The following CDH20 variants were observed in gnomAD, a reference collection of about 807,000 sequenced individuals.
CDH20 encodes cadherin-20.
CDH20 carries 29 observed loss-of-function variants against 74.2 expected under a neutral mutation model. That is an observed-to-expected ratio of 0.39 (90% CI 0.29 to 0.53). CDH20 has a LOEUF of 0.53. CDH20 is among the 20% of genes least tolerant of loss of function. The probability of loss-of-function intolerance (pLI) is 0.69; values close to 1 mark genes in which losing one functional copy is unlikely to be tolerated. For missense variants in CDH20, 988 were observed against 1,048.3 expected, an observed-to-expected ratio of 0.94 and a Z score of 0.79; for synonymous variants, 469 against 405.4, an observed-to-expected ratio of 1.16 and a Z score of -1.88.
chr18:61,507,237 A>G, intron 5 of CDH20, 136 bp from the exon 6 acceptor site: 1 of 754,324 alleles, frequency 1.3e-6, no homozygotes, highest in Non-Finnish European at 2.2e-6. Context: ...CTTAGTTTTT[A>G]TCTGTAAAAA....
chr18:61,499,087 T>G, intron 2 of CDH20, 99 bp from the exon 3 acceptor site: 1 of 900,764 alleles, frequency 1.1e-6, no homozygotes, highest in South Asian at 2.1e-5. Context: ...AATCTCCTTA[T>G]GTAAAGGGAG....
chr18:61,491,627 C>T (rs548467975), intron 2 of CDH20, among the ~76,000 whole-genome samples: 10 of 152,192 alleles, frequency 6.6e-5, no homozygotes, highest in Non-Finnish European at 1.2e-4. Flanking sequence ...TCCTCAAATT[C>T]GAATGAGATT....
chr18:61,412,847 T>A (rs1912557817), intron 1 of CDH20, among the ~76,000 whole-genome samples: 1 of 152,166 alleles, frequency 6.6e-6, no homozygotes, highest in African/African-American at 2.4e-5. Flanking sequence ...ATTTGCAACA[T>A]ACATACTCCA....
chr18:61,419,740 C>T (rs1327010541), intron 1 of CDH20, among the ~76,000 whole-genome samples: 1 of 152,012 alleles, frequency 6.6e-6, no homozygotes, highest in African/African-American at 2.4e-5. Flanking sequence ...AACTTGCCTC[C>T]CAGAGATACT....
chr18:61,429,495 A>T (rs1913181430), intron 1 of CDH20, among the ~76,000 whole-genome samples: 1 of 152,218 alleles, frequency 6.6e-6, no homozygotes, highest in African/African-American at 2.4e-5. Flanking sequence ...TCAAGTACAG[A>T]GCAAGCCAAC....
At chr18:61,406,033 T>G (rs967472193) in intron 1 of CDH20, among the ~76,000 whole-genome samples, 8 of 152,282 alleles carry the variant, frequency 5.3e-5, no homozygotes, top group African/African-American at 1.2e-4. Flanking sequence ...GACTAATTGA[T>G]GTTCACACTG....
At chr18:61,436,328 G>A (rs987692786) in intron 1 of CDH20, among the ~76,000 whole-genome samples, 2 of 151,740 alleles carry the variant, frequency 1.3e-5, no homozygotes, top group African/African-American at 4.9e-5. Context: ...AACCTTCTGA[G>A]AAACCACCAT....
chr18:61,543,562 T>C (rs543888816), intron 9 of CDH20, among the ~76,000 whole-genome samples: 1 of 152,316 alleles, frequency 6.6e-6, no homozygotes, highest in South Asian at 2.1e-4. Flanking sequence ...TTGAAAAACA[T>C]TATGGAAAAG....
At chr18:61,424,500 T>C (rs1197939427) in intron 1 of CDH20, among the ~76,000 whole-genome samples, 1 of 152,262 alleles carries the variant, frequency 6.6e-6, no homozygotes, top group African/African-American at 2.4e-5. Context: ...TTAGATACTA[T>C]ACCCTTCTCA....
intron 1 of CDH20, among the ~76,000 whole-genome samples, chr18:61,433,058 C>G (rs151185767): frequency 1.2e-4 from 19 of 152,260 alleles, no homozygotes; most frequent in African/African-American, 4.3e-4. Flanking sequence ...GACTTAAGAT[C>G]TTCTCAACTT....
At chr18:61,505,093 A>C (rs1019441307) in intron 5 of CDH20, among the ~76,000 whole-genome samples, 1 of 152,156 alleles carries the variant, frequency 6.6e-6, no homozygotes, top group African/African-American at 2.4e-5. Context: ...ATAGACTATA[A>C]ATTCTTGAAC....
chr18:61,458,259 C>T (rs906841241), intron 1 of CDH20, among the ~76,000 whole-genome samples: 4 of 152,148 alleles, frequency 2.6e-5, no homozygotes, highest in African/African-American at 9.7e-5. Flanking sequence ...AGAATAGGGT[C>T]TTCCTTACTG....
At chr18:61,387,385 A>G (rs1434412238) in intron 1 of CDH20, among the ~76,000 whole-genome samples, 1 of 152,190 alleles carries the variant, frequency 6.6e-6, no homozygotes, top group African/African-American at 2.4e-5. Context: ...CTTCAGTGCA[A>G]TGATGAATCT....
intron 6 of CDH20, among the ~76,000 whole-genome samples, chr18:61,514,953 G>T (rs1321724082): frequency 1.3e-5 from 2 of 151,478 alleles, no homozygotes; most frequent in African/African-American, 4.9e-5. Flanking sequence ...CTGTCTTTTT[G>T]TTTGTCTGTG....
At chr18:61,533,423 G>A (rs1344550030) in intron 7 of CDH20, among the ~76,000 whole-genome samples, 5 of 152,212 alleles carry the variant, frequency 3.3e-5, no homozygotes, top group Admixed American at 2.6e-4. Context: ...TGTGTATTAA[G>A]TACATAGTAA....
chr18:61,548,304 A>G (rs972032897), intron 10 of CDH20, among the ~76,000 whole-genome samples: 2 of 152,252 alleles, frequency 1.3e-5, no homozygotes, highest in African/African-American at 4.8e-5. Context: ...ACAATGGAAC[A>G]TGTACATGTT....
chr18:61,411,431 T>C (rs117125918), intron 1 of CDH20, among the ~76,000 whole-genome samples: 5,619 of 152,188 alleles, frequency 0.037, 155 homozygotes, highest in South Asian at 0.069. Flanking sequence ...ATGAAGTGGT[T>C]ATATGAAAAA....
chr18:61,359,311 T>C (rs1167060477), intron 1 of CDH20, among the ~76,000 whole-genome samples: 1 of 151,952 alleles, frequency 6.6e-6, no homozygotes, highest in African/African-American at 2.4e-5. Context: ...CTTCTAAAGA[T>C]TTTTTTGGCA....
At chr18:61,472,025 T>C (rs1910198708) in intron 1 of CDH20, among the ~76,000 whole-genome samples, 1 of 152,172 alleles carries the variant, frequency 6.6e-6, no homozygotes. Flanking sequence ...TAGCTCTTAC[T>C]GTACAAGGCT....
Sources: allele counts gnomAD v4.1 joint callset (sites outside exome capture counted in the v4.1 genomes callset), GRCh38; gene constraint gnomAD v4.1.1; transcripts MANE v1.5; gene names NCBI Gene and HGNC (gene_info 2026-07-23, HGNC 2026-07-21).